Variants in ZNF689 observed in about 807,000 individuals in gnomAD.
ZNF689 encodes short ORF-encoded histone-binding protein.
ZNF689 carries 14 observed loss-of-function variants against 37.2 expected under a neutral mutation model. That is an observed-to-expected ratio of 0.38 (90% CI 0.25 to 0.59). The LOEUF (loss-of-function observed/expected upper bound fraction) is 0.59, where lower values mean the gene tolerates loss of function less well. Among genes scored for constraint, ZNF689 ranks in the 20% least tolerant of loss-of-function variants. The probability of loss-of-function intolerance (pLI) is 0.68; values close to 1 mark genes in which losing one functional copy is unlikely to be tolerated. For synonymous variants in ZNF689, 277 were observed against 283.3 expected (o/e 0.98, Z 0.22); for missense variants, 573 against 700.2 (o/e 0.82, Z 2.05).
rs2151242814 is a variant in ZNF689 at position 30,602,791 on chromosome 16, AAT to A, written c.*1471_*1472del. 1 of 152,298 alleles carries A rather than the reference AAT, an allele frequency of 6.6e-6. No homozygotes were observed. The highest frequency in any genetic ancestry group is 2.1e-4 in the South Asian group (1 of 4,822). 9.4% of individuals were successfully genotyped at this position (152,298 alleles called of 1,614,324 possible). A position where few individuals can be genotyped will look rare whatever the true frequency, so the allele number is the denominator to read the frequency against. On this transcript the variant is annotated 3_prime_UTR_variant, in exon 3 of 3. Coordinates refer to ENST00000287461, the MANE Select transcript of ZNF689 (RefSeq NM_138447.3). ...AAGGATGACCCACTCCAGCTGTTGG[AAT>A]ATGAGATGAGTCACATCTGGAAATT...
chr16:30,606,049 A>G (rs1023016168), intron 2 of ZNF689, among the ~76,000 whole-genome samples: 1 of 152,066 alleles, frequency 6.6e-6, no homozygotes, highest in South Asian at 2.1e-4. Flanking sequence ...CTGTAATCCC[A>G]GCACTTTGGG....
At position 30,605,441 on chromosome 16, in the gene ZNF689, C is replaced by T. The variant is rs750473523; in HGVS notation, c.326G>A (p.Arg109Lys). 1.1e-5 allele frequency: 18 copies of T among 1,611,216 alleles called. No homozygotes were observed. Among genetic ancestry groups the T allele is most frequent in the Admixed American group, 1.7e-5 (1 of 59,408 alleles). ...CTTCTCCCCATTCTTCTTTCTGGTT[C>T]TGCTTTCTATAGAAATACAGAAGCA... ...PRGLTVQRKS[R>K]TRKKNGEKEV... Residue 109 changes from arginine to lysine, a missense_variant, in exon 3 of 3, where the codon AGA (arginine) becomes AAA (lysine). This residue lies in a region of ZNF689 where 252 missense variants were observed against 313.3 expected (regional missense o/e 0.80). Transcript: ENST00000287461. The surrounding 1 kb of genome is among the most constrained non-coding windows in gnomAD (Gnocchi z 5.1).
At chr16:30,607,302 G>A (rs918319915) in intron 2 of ZNF689, among the ~76,000 whole-genome samples, 4 of 143,128 alleles carry the variant, frequency 2.8e-5, no homozygotes, top group South Asian at 2.3e-4. Context: ...TGTTAGAAAC[G>A]TAAGTCCCAG....
In ZNF689 at chr16:30,604,813, C is replaced by T. The variant is rs1297205839; in HGVS notation, c.954G>A (p.Pro318=). 3 of 1,606,874 alleles carry T rather than the reference C, an allele frequency of 1.9e-6. No individual in the cohort carries two copies. Among genetic ancestry groups the T allele is most frequent in the African/African-American group, 1.3e-5 (1 of 74,546 alleles). The change falls in exon 3 of 3, where the codon CCG becomes CCA. Residue 318 remains proline, a synonymous_variant. Coordinates refer to ENST00000287461, the MANE Select transcript of ZNF689 (RefSeq NM_138447.3). This position sits in a 1 kb window ranked among gnomAD's most constrained non-coding sequence, Gnocchi z 5.2. ...AGAAGCGCCGCTCGCAGTCCGGGCA[C>T]GGGTAGGGCTTCTCGCCCGTGTGGA... The part of the protein sequence containing the change: ...QRIHTGEKPY[P]CPDCERRFSS...
rs2052075095 is a variant in ZNF689 at position 30,609,692 on chromosome 16, T to A, written c.206-54A>T. The A allele has an allele frequency of 3.1e-6, 5 of 1,610,282 alleles. No individual in the cohort carries two copies. In the East Asian group the frequency reaches 1.1e-4, roughly 36 times the overall value. ...AGCTCCTAGATCACGCCGAGTAGTATCTCCCCGACGGCACCTCCTGCTAAG... is the reference window on the plus strand; with the variant it reads ...AGCTCCTAGATCACGCCGAGTAGTAACTCCCCGACGGCACCTCCTGCTAAG... On this transcript the variant is annotated intron_variant, in intron 1 of 2. Coordinates refer to ENST00000287461, the MANE Select transcript of ZNF689 (RefSeq NM_138447.3).
chr16:30,606,607 C>G (rs925989023), intron 2 of ZNF689, among the ~76,000 whole-genome samples: 1 of 151,912 alleles, frequency 6.6e-6, no homozygotes, highest in African/African-American at 2.4e-5. Flanking sequence ...TCAAGTGATT[C>G]TCCCTGCCTC....
chr16:30,609,695 C>T (rs564160075), intron 1 of ZNF689, 57 bp from the exon 2 acceptor site: 1 of 1,609,420 alleles, frequency 6.2e-7, no homozygotes, highest in Non-Finnish European at 8.5e-7. Flanking sequence ...AGTAGTATCT[C>T]CCCGACGGCA....
Position 30,609,785 on chromosome 16 carries a change from C to G in ZNF689, c.205+52G>C, listed in dbSNP as rs1272662765. The G allele has an allele frequency of 8.3e-6, 13 of 1,570,758 alleles. No individual in the cohort carries two copies. In the East Asian group the frequency reaches 1.9e-4, roughly 23 times the overall value. On this transcript the variant is annotated intron_variant, in intron 1 of 2. Coordinates refer to ENST00000287461, the MANE Select transcript of ZNF689 (RefSeq NM_138447.3). ...CGTGGCCTCCCTGCCTACACCCTCT[C>G]CGGCTCCTGCATCCCTTCGCGCCCC...
upstream of ZNF689, chr16:30,610,401 G>C (rs2052086291): frequency 8.5e-6 from 2 of 234,584 alleles, no homozygotes; most frequent in Non-Finnish European, 1.7e-5. Context: ...CTGCGATTGG[G>C]CTTCACGCCG....
chr16:30,609,318 A>C (rs1053545636), intron 2 of ZNF689: 3 of 460,142 alleles, frequency 6.5e-6, no homozygotes, highest in Non-Finnish European at 1.2e-5. Flanking sequence ...TGATTCATTC[A>C]CACAGTGGAA....
In ZNF689 at chr16:30,604,914, C is replaced by T; in HGVS notation, c.853G>A (p.Gly285Arg). ...TCGAGGCAAGTGTAGGGCTTCTCTCCCGTGTGTGTACGCTGGTGGATGGCT... is the reference window on the plus strand; with the variant it reads ...TCGAGGCAAGTGTAGGGCTTCTCTCTCGTGTGTGTACGCTGGTGGATGGCT... ...LLAIHQRTHTGEKPYTCLECN... is the reference protein window; with the variant it reads ...LLAIHQRTHTREKPYTCLECN... The change falls in exon 3 of 3, where the codon GGA (glycine) becomes AGA (arginine). Residue 285 changes from glycine to arginine, a missense_variant. Physicochemically the swap from Gly to Arg is moderately radical, Grantham distance 125. Around this residue, in one of 3 missense-constraint regions of ZNF689, gnomAD observed 317 missense variants for 367.1 expected, o/e 0.86. Coordinates refer to ENST00000287461, the MANE Select transcript of ZNF689 (RefSeq NM_138447.3). The surrounding 1 kb of genome is among the most constrained non-coding windows in gnomAD (Gnocchi z 5.2). The T allele has an allele frequency of 6.3e-7, 1 of 1,575,442 alleles. No homozygotes were observed. Among genetic ancestry groups the T allele is most frequent in the South Asian group, 1.2e-5 (1 of 83,610 alleles).
Position 30,604,590 on chromosome 16 carries a change from T to C in ZNF689, c.1177A>G (p.Ser393Gly). 1 of 1,593,956 alleles carries C rather than the reference T, an allele frequency of 6.3e-7. No individual in the cohort carries two copies. Among genetic ancestry groups the C allele is most frequent in the East Asian group, 2.3e-5 (1 of 43,914 alleles). Residue 393 changes from serine to glycine, a missense_variant, in exon 3 of 3, where the codon AGC (serine) becomes GGC (glycine). Around this residue, in one of 3 missense-constraint regions of ZNF689, gnomAD observed 317 missense variants for 367.1 expected, o/e 0.86. Coordinates refer to ENST00000287461, the MANE Select transcript of ZNF689 (RefSeq NM_138447.3). The surrounding 1 kb of genome is among the most constrained non-coding windows in gnomAD (Gnocchi z 5.2). Reference sequence around the variant, plus strand: ...TGCAGCTTCTCCTCTGTGTGCGTGCTGCGATGGATGGCCAGGGAGCCGCTC... The same window carrying C: ...TGCAGCTTCTCCTCTGTGTGCGTGCCGCGATGGATGGCCAGGGAGCCGCTC... ...RRSGSLAIHR[S>G]THTEEKLHAC...
intron 1 of ZNF689, 84 bp downstream of exon 1, chr16:30,609,753 C>T (rs1221026901): frequency 1.7e-5 from 26 of 1,572,430 alleles, no homozygotes; most frequent in Non-Finnish European, 2.2e-5. Context: ...TGGTCGCCTG[C>T]CAGGACCGTG....
Position 30,604,643 on chromosome 16 carries a change from CA to C in ZNF689, c.1123del (p.Cys375AlafsTer220). The C allele has an allele frequency of 6.2e-7, 1 of 1,611,604 alleles. No individual in the cohort carries two copies. Among genetic ancestry groups the C allele is most frequent in the Non-Finnish European group, 8.5e-7 (1 of 1,179,280 alleles). The stretch of plus-strand genomic sequence containing the variant: ...CCGGAAGGCACGCCCACAGTCTGGG[CA>C]GGGGTAGGGCTTCTCTCCGGTGTGC... ...LLHTGEKPYP[C>X]PDCGRAFRRS... is the part of the protein sequence containing the mutation. On this transcript the variant is annotated frameshift_variant, in exon 3 of 3. Coordinates refer to ENST00000287461, the MANE Select transcript of ZNF689 (RefSeq NM_138447.3). LOFTEE classifies it high-confidence loss of function. This position sits in a 1 kb window ranked among gnomAD's most constrained non-coding sequence, Gnocchi z 5.2.
chr16:30,609,939 C>A lies in ZNF689; in HGVS notation c.103G>T (p.Ala35Ser). The A allele has an allele frequency of 6.2e-7, 1 of 1,612,710 alleles. No homozygotes were observed. The highest frequency in any genetic ancestry group is 8.5e-7 in the Non-Finnish European group (1 of 1,179,636). Residue 35 changes from alanine to serine, a missense_variant, in exon 1 of 3, where the codon GCC (alanine) becomes TCC (serine). Transcript: ENST00000287461. ...RPRALKFVDV[A>S]VYFSPEEWGC... ...CACTCCTCCGGGGAGAAGTACACGGCCACGTCCACGAACTTCAGAGCCCTC... is the reference window on the plus strand; with the variant it reads ...CACTCCTCCGGGGAGAAGTACACGGACACGTCCACGAACTTCAGAGCCCTC...
Position 30,605,632 on chromosome 16 carries a change from G to A in ZNF689, c.320-185C>T, listed in dbSNP as rs1381898546. 2.0e-5 allele frequency among the ~76,000 whole-genome samples: 3 copies of A among 152,148 alleles called. No individual in the cohort carries two copies. The highest frequency in any genetic ancestry group is 4.4e-5 in the Non-Finnish European group (3 of 68,034). ...ACAGGAGCTTCTAACCCAGCTTGGA[G>A]AAGTCTAGGAAGATTTCTCGGAGAT... is the stretch of plus-strand genomic sequence containing the variant. On this transcript the variant is annotated intron_variant, in intron 2 of 2. Transcript: ENST00000287461. The surrounding 1 kb of genome is among the most constrained non-coding windows in gnomAD (Gnocchi z 5.1).
At chr16:30,607,718 C>T (rs543695148) in intron 2 of ZNF689, among the ~76,000 whole-genome samples, 29 of 152,202 alleles carry the variant, frequency 1.9e-4, no homozygotes, top group African/African-American at 6.7e-4. Flanking sequence ...ACCTGCAATC[C>T]CAGCACTTTG....
rs1253832035 is a variant in ZNF689, at chr16:30,604,918, G to A, written c.849C>T (p.His283=). 6.3e-7 allele frequency: 1 copy of A among 1,575,362 alleles called. No individual in the cohort carries two copies. Among genetic ancestry groups the A allele is most frequent in the South Asian group, 1.2e-5 (1 of 83,652 alleles). ...GGCAAGTGTAGGGCTTCTCTCCCGT[G>A]TGTGTACGCTGGTGGATGGCTAGCA... is the stretch of plus-strand genomic sequence containing the variant. ...PSLLAIHQRT[H]TGEKPYTCLE... is the part of the protein sequence containing the mutation. Residue 283 remains histidine (H), a synonymous_variant, in exon 3 of 3, where the codon CAC becomes CAT. Coordinates refer to ENST00000287461, the MANE Select transcript of ZNF689 (RefSeq NM_138447.3). The surrounding 1 kb of genome is among the most constrained non-coding windows in gnomAD (Gnocchi z 5.2).
In ZNF689 at chr16:30,605,246, T is replaced by G; in HGVS notation, c.521A>C (p.Lys174Thr). Residue 174 changes from lysine to threonine, a missense_variant, in exon 3 of 3, where the codon AAA becomes ACA. Physicochemically the swap from Lys to Thr is moderately conservative, Grantham distance 78. Around this residue, in one of 3 missense-constraint regions of ZNF689, gnomAD observed 252 missense variants for 313.3 expected, o/e 0.80. Transcript: ENST00000287461. This position sits in a 1 kb window ranked among gnomAD's most constrained non-coding sequence, Gnocchi z 5.1. ...LESHKCAQNL[K>T]KPYPCPDCGR... ...ACAGTCTGGGCAAGGGTAAGGCTTT[T>G]TTAGATTCTGGGCGCACTTGTGGCT... is the stretch of plus-strand genomic sequence containing the variant. The G allele has an allele frequency of 6.2e-7, 1 of 1,612,564 alleles. No homozygotes were observed. The highest frequency in any genetic ancestry group is 8.5e-7 in the Non-Finnish European group (1 of 1,178,888).
Sources: gnomAD v4.1 joint callset for allele counts (sites outside exome capture counted in the v4.1 genomes callset) on GRCh38, gnomAD v4.1.1 for gene constraint, gnomAD v4.1.1 regional missense constraint, Gnocchi (gnomAD v3.1) non-coding constraint, MANE v1.5 for transcripts, NCBI Gene and HGNC (gene_info 2026-07-23, HGNC 2026-07-21) for gene names.